SORCS1: variants seen among roughly 807,000 people sequenced by gnomAD.
The protein encoded by SORCS1 is sortilin related VPS10 domain containing receptor 1, also known as VPS10 domain-containing receptor SorCS1.
SORCS1 carries 60 observed loss-of-function variants against 146.1 expected under a neutral mutation model. That is an observed-to-expected ratio of 0.41 (90% CI 0.33 to 0.51). SORCS1 has a LOEUF of 0.51. SORCS1 is among the 20% of genes least tolerant of loss of function. The probability of loss-of-function intolerance (pLI) is 0.21; values close to 1 mark genes in which losing one functional copy is unlikely to be tolerated. For synonymous variants in SORCS1, 637 were observed against 584.0 expected, an observed-to-expected ratio of 1.09 and a Z score of -1.31; for missense variants, 1,352 against 1,487.6, an observed-to-expected ratio of 0.91 and a Z score of 1.50.
At chr10:106,583,378 A>G (rs1476333787) in intron 24 of SORCS1, among the ~76,000 whole-genome samples, 1 of 152,178 alleles carries the variant, frequency 6.6e-6, no homozygotes, top group African/African-American at 2.4e-5. Flanking sequence ...AAAAGAACAC[A>G]TTTAACTTTA....
At chr10:106,962,330 G>A (rs1457674273) in intron 1 of SORCS1, among the ~76,000 whole-genome samples, 6 of 143,598 alleles carry the variant, frequency 4.2e-5, no homozygotes, top group Admixed American at 1.5e-4. Context: ...GGGAGGTAGA[G>A]GTTGTGGTGA....
chr10:106,894,237 ATG>A lies in SORCS1; in HGVS notation c.626+62274_626+62275del, dbSNP rs142672801. On this transcript the variant is annotated intron_variant, in intron 2 of 25. Coordinates refer to ENST00000263054, the MANE Select transcript of SORCS1 (RefSeq NM_052918.5). ...TAGGAAGTTAGTGGGGCATGTGTGC[ATG>A]TGTGTGTGTGTGTGCGCGCGCGCAC... Among the ~76,000 whole-genome samples the A allele has an allele frequency of 8.7e-4, 123 of 140,866 alleles. 3 individuals are homozygous for A. In the South Asian group the frequency reaches 0.02, roughly 23 times the overall value. 92.4% of individuals were successfully genotyped at this position (140,866 alleles called of 152,430 possible).
At chr10:106,833,894 C>T (rs562215792) in intron 2 of SORCS1, among the ~76,000 whole-genome samples, 14 of 152,276 alleles carry the variant, frequency 9.2e-5, no homozygotes, top group African/African-American at 3.1e-4. Flanking sequence ...CCTGGGTTCA[C>T]GCCATTCTCC....
At chr10:106,844,795 T>A (rs1271695424) in intron 2 of SORCS1, among the ~76,000 whole-genome samples, 2 of 136,918 alleles carry the variant, frequency 1.5e-5, no homozygotes, top group Non-Finnish European at 3.1e-5. Flanking sequence ...TGTGATCTCA[T>A]TGTTCAATTC....
intron 2 of SORCS1, among the ~76,000 whole-genome samples, chr10:106,938,258 T>C (rs1953854447): frequency 6.6e-6 from 1 of 152,120 alleles, no homozygotes; most frequent in South Asian, 2.1e-4. Flanking sequence ...TTCAGGAACT[T>C]AGCACATCAA....
At chr10:106,742,970 G>T (rs550056002) in intron 5 of SORCS1, among the ~76,000 whole-genome samples, 51 of 152,250 alleles carry the variant, frequency 3.3e-4, no homozygotes, top group African/African-American at 1.2e-3. Context: ...TAATTTAAAG[G>T]CTGTGCCAGT....
At chr10:107,129,364 G>C (rs1053968849) in intron 1 of SORCS1, among the ~76,000 whole-genome samples, 1 of 152,206 alleles carries the variant, frequency 6.6e-6, no homozygotes, top group African/African-American at 2.4e-5. Context: ...GCTCAAGCGA[G>C]AGCTGCCAGT....
intron 19 of SORCS1, among the ~76,000 whole-genome samples, chr10:106,620,826 G>A (rs1402902816): frequency 3.9e-5 from 6 of 152,124 alleles, no homozygotes; most frequent in African/African-American, 1.4e-4. Context: ...AAAAATTACA[G>A]GTAACTTATG....
intron 1 of SORCS1, among the ~76,000 whole-genome samples, chr10:107,129,609 T>C (rs1057215105): frequency 4.6e-5 from 7 of 152,222 alleles, no homozygotes; most frequent in Admixed American, 1.3e-4. Flanking sequence ...TTACCCACTC[T>C]TCCCAATTTG....
rs563958556 is a variant in SORCS1, at chr10:106,664,811, T to C, written c.2303+2878A>G. Among the ~76,000 whole-genome samples, 13 of 152,232 alleles carry C rather than the reference T, an allele frequency of 8.5e-5. No individual in the cohort carries two copies. In the South Asian group the frequency reaches 2.7e-3, roughly 32 times the overall value. On this transcript the variant is annotated intron_variant, in intron 17 of 25. Transcript: ENST00000263054. ...GACTAATATAACTTCCTTGACTGATTGAGCTGGTTAAAAAAAAAAATCAAT... is the reference window on the plus strand; with the variant it reads ...GACTAATATAACTTCCTTGACTGATCGAGCTGGTTAAAAAAAAAAATCAAT...
At chr10:106,997,716 G>A (rs1352734555) in intron 1 of SORCS1, among the ~76,000 whole-genome samples, 2 of 152,160 alleles carry the variant, frequency 1.3e-5, no homozygotes, top group African/African-American at 2.4e-5. Flanking sequence ...AAGGGTAAGA[G>A]TATAACCTGG....
At chr10:106,629,109 A>G in intron 19 of SORCS1, 93 bp downstream of exon 19, 1 of 1,109,226 alleles carries the variant, frequency 9.0e-7, no homozygotes, top group Non-Finnish European at 1.3e-6. Flanking sequence ...AAAGATAACT[A>G]GTGTACTTCT....
chr10:106,916,348 C>T (rs1952423285), intron 2 of SORCS1, among the ~76,000 whole-genome samples: 2 of 151,744 alleles, frequency 1.3e-5, no homozygotes, highest in African/African-American at 4.8e-5. Flanking sequence ...GATGGCAATA[C>T]ATTTTTTTTC....
intron 2 of SORCS1, among the ~76,000 whole-genome samples, chr10:106,903,445 T>C (rs544460077): frequency 7.9e-5 from 12 of 152,324 alleles, no homozygotes; most frequent in Admixed American, 2.6e-4. Flanking sequence ...GCAGAACAAA[T>C]GTTACAGAAT....
intron 10 of SORCS1, among the ~76,000 whole-genome samples, chr10:106,680,685 A>G (rs929725310): frequency 6.6e-6 from 1 of 152,208 alleles, no homozygotes; most frequent in Non-Finnish European, 1.5e-5. Flanking sequence ...TCTTGTACTG[A>G]GTTGTCAAAA....
rs1158381319 is a variant in SORCS1, at chr10:106,878,637, TA to T, written c.627-48965del. ...ACTACCTAGTATATATATATATATA[TA>T]TATATATATATTTTATAGCAGCCTG... On this transcript the variant is annotated intron_variant, in intron 2 of 25. Transcript: ENST00000263054. Among the ~76,000 whole-genome samples the T allele has an allele frequency of 1.0e-4, 14 of 137,024 alleles. 1 individual carries two copies. Among genetic ancestry groups the T allele is most frequent in the South Asian group, 9.3e-4 (4 of 4,280 alleles). 89.9% of individuals were successfully genotyped at this position (137,024 alleles called of 152,430 possible).
chr10:106,903,631 C>T (rs7915462), intron 2 of SORCS1, among the ~76,000 whole-genome samples: 4 of 151,946 alleles, frequency 2.6e-5, no homozygotes, highest in South Asian at 2.1e-4. Flanking sequence ...AAAAGAGTGA[C>T]GATTTTGAAG....
intron 3 of SORCS1, among the ~76,000 whole-genome samples, chr10:106,780,796 T>A (rs569565057): frequency 4.6e-5 from 7 of 152,330 alleles, no homozygotes; most frequent in African/African-American, 1.7e-4. Context: ...GCCGACTGAC[T>A]GCACCTGCAG....
At chr10:106,801,799 G>T (rs938946632) in intron 3 of SORCS1, among the ~76,000 whole-genome samples, 6 of 152,068 alleles carry the variant, frequency 3.9e-5, no homozygotes, top group Non-Finnish European at 7.4e-5. Flanking sequence ...CAAAGTGCTG[G>T]GATTACAGGC....
Sources: allele counts gnomAD v4.1 joint callset (sites outside exome capture counted in the v4.1 genomes callset), GRCh38; gene constraint gnomAD v4.1.1; transcripts MANE v1.5; gene names NCBI Gene and HGNC (gene_info 2026-07-23, HGNC 2026-07-21).